FAM114A1: variants seen among roughly 807,000 people sequenced by gnomAD.
FAM114A1 encodes family with sequence similarity 114 member A1, also known as protein NOXP20.
Under a neutral mutation model 64.3 loss-of-function variants are expected in FAM114A1, and 62 were observed. That is an observed-to-expected ratio of 0.96 (90% CI 0.79 to 1.19). The LOEUF (loss-of-function observed/expected upper bound fraction) is 1.19, where lower values mean the gene tolerates loss of function less well. FAM114A1 is among the 50% of genes most tolerant of loss of function. The probability of loss-of-function intolerance (pLI) is 0.00; values close to 1 mark genes in which losing one functional copy is unlikely to be tolerated. For missense variants in FAM114A1, 645 were observed against 676.3 expected, an observed-to-expected ratio of 0.95 and a Z score of 0.51; for synonymous variants, 254 against 251.1, an observed-to-expected ratio of 1.01 and a Z score of -0.11.
chr4:38,905,712 A>G (rs1257429762), intron 5 of FAM114A1, 43 bp from the exon 6 acceptor site: 2 of 1,609,328 alleles, frequency 1.2e-6, no homozygotes, highest in Non-Finnish European at 1.7e-6. Flanking sequence ...CCAAGTTCAG[A>G]TCAGCGACGT....
intron 6 of FAM114A1, among the ~76,000 whole-genome samples, chr4:38,908,327 T>C (rs1718215489): frequency 6.6e-6 from 1 of 152,098 alleles, no homozygotes; most frequent in African/African-American, 2.4e-5. Flanking sequence ...AATCCCTTTG[T>C]GGGATTAATT....
Position 38,888,951 on chromosome 4 carries a change from T to C in FAM114A1, c.349-2792T>C, listed in dbSNP as rs749892. Among the ~76,000 whole-genome samples, 1,322 of 152,370 alleles carry C rather than the reference T, an allele frequency of 8.7e-3. 17 individuals are homozygous for C. Among genetic ancestry groups the C allele is most frequent in the African/African-American group, 0.026 (1,089 of 41,584 alleles). On this transcript the variant is annotated intron_variant, in intron 3 of 14. Transcript: ENST00000358869. ...TAACATTTTTTATATTAAATATGTG[T>C]ATTTAATCATTTGAATATTTACCAT...
Position 38,914,798 on chromosome 4 carries a change from A to G in FAM114A1, c.793-123A>G, listed in dbSNP as rs1026215366. 9 of 1,085,286 alleles carry G rather than the reference A, an allele frequency of 8.3e-6. No individual in the cohort carries two copies. In the African/African-American group the frequency reaches 1.3e-4, roughly 15 times the overall value. The allele number at this position is 1,085,286 out of a possible 1,614,324, so 67.2% of individuals were successfully genotyped here. A position where few individuals can be genotyped will look rare whatever the true frequency, so the allele number is the denominator to read the frequency against. On this transcript the variant is annotated intron_variant, in intron 7 of 14. Coordinates refer to ENST00000358869, the MANE Select transcript of FAM114A1 (RefSeq NM_138389.4). Reference sequence around the variant, plus strand: ...AAAAAAATCATTTTTTAGAAATTCTAAAGTGACCAGAATCTCCCCCTCTCC... The same window carrying G: ...AAAAAAATCATTTTTTAGAAATTCTGAAGTGACCAGAATCTCCCCCTCTCC...
chr4:38,933,877 C>T (rs569967850), intron 12 of FAM114A1, among the ~76,000 whole-genome samples: 2 of 152,124 alleles, frequency 1.3e-5, no homozygotes, highest in Non-Finnish European at 2.9e-5. Flanking sequence ...TTGACATTGT[C>T]GGTTGGGGAG....
At chr4:38,886,419 C>T (rs1035100420) in intron 3 of FAM114A1, among the ~76,000 whole-genome samples, 3 of 151,462 alleles carry the variant, frequency 2.0e-5, no homozygotes, top group Admixed American at 6.6e-5. Context: ...GATTTGCCCA[C>T]CTTGGCCTCC....
intron 2 of FAM114A1, among the ~76,000 whole-genome samples, chr4:38,872,072 A>G (rs765347271): frequency 1.3e-5 from 2 of 152,210 alleles, no homozygotes; most frequent in Admixed American, 1.3e-4. Flanking sequence ...GGCATCTTTC[A>G]TGTCACCAGT....
chr4:38,908,634 A>T lies in FAM114A1; in HGVS notation c.700A>T (p.Ile234Phe), dbSNP rs752181096. ...LTGGLDALEF[I>F]GKKTMNVLAE... ...TGGAGGCCTTGATGCGTTGGAATTC[A>T]TCGGCAAGAAAACCATGAATGTCCT... The change falls in exon 7 of 15, where the codon ATC (isoleucine) becomes TTC (phenylalanine). Residue 234 changes from isoleucine to phenylalanine, a missense_variant. Coordinates refer to ENST00000358869, the MANE Select transcript of FAM114A1 (RefSeq NM_138389.4). 4.3e-6 allele frequency: 7 copies of T among 1,613,562 alleles called. No individual in the cohort carries two copies. The highest frequency in any genetic ancestry group is 5.9e-6 in the Non-Finnish European group (7 of 1,179,578).
At chr4:38,887,906 TAA>T (rs985299515) in intron 3 of FAM114A1, among the ~76,000 whole-genome samples, 12 of 152,276 alleles carry the variant, frequency 7.9e-5, no homozygotes, top group African/African-American at 2.9e-4. Flanking sequence ...TTACAAAAAT[TAA>T]AAAGTGTTGA....
At chr4:38,881,452 C>G (rs1203661621) in intron 3 of FAM114A1, among the ~76,000 whole-genome samples, 1 of 152,082 alleles carries the variant, frequency 6.6e-6, no homozygotes, top group Non-Finnish European at 1.5e-5. Context: ...ACACTGGCCA[C>G]AGAGTCGGGC....
At chr4:38,881,278 A>G (rs1049600868) in intron 3 of FAM114A1, among the ~76,000 whole-genome samples, 2 of 152,116 alleles carry the variant, frequency 1.3e-5, no homozygotes, top group African/African-American at 4.8e-5. Context: ...TCTTGCTTTG[A>G]AAACACCTTA....
Position 38,905,600 on chromosome 4 carries a change from G to A in FAM114A1, c.515G>A (p.Gly172Glu), listed in dbSNP as rs1435104232. The A allele has an allele frequency of 6.2e-7, 1 of 1,614,170 alleles. No homozygotes were observed. The highest frequency in any genetic ancestry group is 8.5e-7 in the Non-Finnish European group (1 of 1,180,020). The change falls in exon 5 of 15, where the codon GGA becomes GAA. Residue 172 changes from glycine to glutamate, a missense_variant. Physicochemically the swap from Gly to Glu is moderately conservative, Grantham distance 98. Coordinates refer to ENST00000358869, the MANE Select transcript of FAM114A1 (RefSeq NM_138389.4). ...IHGVNSGSSE[G>E]AQPNTENGVP... ...GGTGTAAATTCTGGATCTTCTGAAG[G>A]AGCCCAACCAAATACTGAAAACGGA... is the stretch of plus-strand genomic sequence containing the variant.
intron 3 of FAM114A1, among the ~76,000 whole-genome samples, chr4:38,887,880 G>A (rs376244999): frequency 2.6e-5 from 4 of 152,066 alleles, no homozygotes; most frequent in East Asian, 1.9e-4. Context: ...CCTTTTTAGC[G>A]TAGCTATGTC....
At chr4:38,911,750 G>A (rs16994927) in intron 7 of FAM114A1, among the ~76,000 whole-genome samples, 2,776 of 150,972 alleles carry the variant, frequency 0.018, 72 homozygotes, top group African/African-American at 0.063. Context: ...AACTAGAAGC[G>A]TGCACGCGTG....
chr4:38,880,173 T>TAGAAA (rs1311695882), intron 3 of FAM114A1, among the ~76,000 whole-genome samples: 2 of 141,314 alleles, frequency 1.4e-5, no homozygotes, highest in East Asian at 2.2e-4. Flanking sequence ...TAGAATAGAA[T>TAGAAA]AGAAAATATT....
In FAM114A1 at chr4:38,929,328, A is replaced by G. The variant is rs1485355719; in HGVS notation, c.1156A>G (p.Asn386Asp). Reference sequence around the variant, plus strand: ...TGTGGCGGCCACACCTGACAAACTCAATAAGGTCAGCACTGTCTGATTTAT... The same window carrying G: ...TGTGGCGGCCACACCTGACAAACTCGATAAGGTCAGCACTGTCTGATTTAT... ...LHVAATPDKLNKAMKRAHDWV... is the reference protein window; with the variant it reads ...LHVAATPDKLDKAMKRAHDWV... The change falls in exon 10 of 15, where the codon AAT (asparagine) becomes GAT (aspartate). Residue 386 changes from asparagine (N) to aspartate (D), a missense_variant. Physicochemically the swap from Asn to Asp is conservative, Grantham distance 23 (BLOSUM62 1). Coordinates refer to ENST00000358869, the MANE Select transcript of FAM114A1 (RefSeq NM_138389.4). 1 of 1,611,570 alleles carries G rather than the reference A, an allele frequency of 6.2e-7. No homozygotes were observed. The highest frequency in any genetic ancestry group is 1.3e-5 in the African/African-American group (1 of 74,868).
At chr4:38,936,756 T>C (rs1384584261) in intron 13 of FAM114A1, among the ~76,000 whole-genome samples, 1 of 152,076 alleles carries the variant, frequency 6.6e-6, no homozygotes, top group Non-Finnish European at 1.5e-5. Flanking sequence ...TTTCACCATG[T>C]TGGCCAGGCT....
At chr4:38,905,914 T>C in intron 6 of FAM114A1, 53 bp downstream of exon 6, 2 of 1,497,552 alleles carry the variant, frequency 1.3e-6, no homozygotes, top group South Asian at 2.4e-5. Flanking sequence ...GGGCCTTCTT[T>C]TGATATTTCC....
intron 13 of FAM114A1, among the ~76,000 whole-genome samples, chr4:38,938,924 C>T (rs551592759): frequency 2.0e-5 from 3 of 152,322 alleles, no homozygotes; most frequent in South Asian, 4.1e-4. Flanking sequence ...AATTTACCTA[C>T]TAGTATTCAT....
intron 4 of FAM114A1, among the ~76,000 whole-genome samples, chr4:38,901,212 A>G (rs541869102): frequency 1.3e-5 from 2 of 152,288 alleles, no homozygotes; most frequent in East Asian, 3.9e-4. Flanking sequence ...CCAGTCATCC[A>G]GGGTGCTGCA....
Sources: allele counts gnomAD v4.1 joint callset (sites outside exome capture counted in the v4.1 genomes callset), GRCh38; gene constraint gnomAD v4.1.1; transcripts MANE v1.5; gene names NCBI Gene and HGNC (gene_info 2026-07-23, HGNC 2026-07-21).